Variants in RALYL observed in about 807,000 individuals in gnomAD.
The protein encoded by RALYL is RNA-binding Raly-like protein.
RALYL carries 29 observed loss-of-function variants against 35.1 expected under a neutral mutation model. The observed-to-expected ratio is 0.83, with a 90% CI of 0.61 to 1.13. RALYL has a LOEUF of 1.13. Among genes scored for constraint, RALYL ranks in the 50% most tolerant of loss-of-function variants. RALYL has a pLI of 0.00. For synonymous variants in RALYL, 120 were observed against 127.6 expected (o/e 0.94, Z 0.40); for missense variants, 359 against 360.4 (o/e 1.00, Z 0.03).
intron 1 of RALYL, among the ~76,000 whole-genome samples, chr8:84,424,644 A>C (rs1343522125): frequency 1.3e-5 from 2 of 151,318 alleles, no homozygotes; most frequent in Non-Finnish European, 2.9e-5. Flanking sequence ...TAGAGTTTCC[A>C]GTTTTTCTGT....
intron 1 of RALYL, among the ~76,000 whole-genome samples, chr8:84,293,223 G>A (rs557436565): frequency 6.6e-6 from 1 of 152,102 alleles, no homozygotes; most frequent in South Asian, 2.1e-4. Flanking sequence ...TTCAAAATAG[G>A]AAGAAAAAGA....
chr8:84,448,550 A>T (rs988033905), intron 1 of RALYL, among the ~76,000 whole-genome samples: 2 of 152,034 alleles, frequency 1.3e-5, no homozygotes, highest in African/African-American at 4.8e-5. Flanking sequence ...ACTTGATAGA[A>T]TTGTTGTCAT....
chr8:84,658,964 T>C (rs890545882), intron 2 of RALYL, among the ~76,000 whole-genome samples: 1 of 151,990 alleles, frequency 6.6e-6, no homozygotes, highest in African/African-American at 2.4e-5. Flanking sequence ...AACAAAAAAC[T>C]GAAAGGAGCA....
chr8:84,484,593 A>T (rs1409086698), intron 1 of RALYL, among the ~76,000 whole-genome samples: 1 of 152,094 alleles, frequency 6.6e-6, no homozygotes, highest in Non-Finnish European at 1.5e-5. Context: ...ATGAGTAATG[A>T]ACAGAACACG....
intron 1 of RALYL, among the ~76,000 whole-genome samples, chr8:84,258,169 G>A (rs1831544580): frequency 6.6e-6 from 1 of 152,074 alleles, no homozygotes; most frequent in South Asian, 2.1e-4. Flanking sequence ...GGATTGTGGT[G>A]GTGGGGTTTA....
At chr8:84,489,968 GT>G (rs1221634642) in intron 1 of RALYL, among the ~76,000 whole-genome samples, 1 of 151,906 alleles carries the variant, frequency 6.6e-6, no homozygotes, top group Non-Finnish European at 1.5e-5. Flanking sequence ...AGAAATAAAA[GT>G]TTTTCTAAAG....
chr8:84,254,306 G>T (rs894788481), intron 1 of RALYL, among the ~76,000 whole-genome samples: 1 of 152,078 alleles, frequency 6.6e-6, no homozygotes, highest in Non-Finnish European at 1.5e-5. Flanking sequence ...AAATGTACTT[G>T]TTCAAATTGT....
chr8:84,686,754 A>G (rs1044935572), intron 2 of RALYL, among the ~76,000 whole-genome samples: 9 of 152,024 alleles, frequency 5.9e-5, no homozygotes, highest in Admixed American at 2.0e-4. Context: ...TTTCATCATC[A>G]TAAGTGTTGT....
At chr8:84,280,226 C>T (rs1326144502) in intron 1 of RALYL, among the ~76,000 whole-genome samples, 3 of 152,032 alleles carry the variant, frequency 2.0e-5, no homozygotes, top group Admixed American at 1.3e-4. Context: ...TTCAATTTGC[C>T]CTTGAAAGCT....
At chr8:84,579,807 A>C (rs1195746851) in intron 2 of RALYL, among the ~76,000 whole-genome samples, 1 of 152,234 alleles carries the variant, frequency 6.6e-6, no homozygotes, top group Non-Finnish European at 1.5e-5. Context: ...GTATTTTCCA[A>C]GATAAAATAA....
intron 1 of RALYL, among the ~76,000 whole-genome samples, chr8:84,371,761 C>A (rs1331046111): frequency 6.6e-6 from 1 of 151,918 alleles, no homozygotes; most frequent in Non-Finnish European, 1.5e-5. Context: ...AAGATAAATC[C>A]TTTGAAGATA....
intron 1 of RALYL, among the ~76,000 whole-genome samples, chr8:84,521,834 A>AT (rs1251642464): frequency 6.6e-6 from 1 of 152,148 alleles, no homozygotes; most frequent in African/African-American, 2.4e-5. Context: ...CTACAATTAT[A>AT]TATTTATTTT....
intron 2 of RALYL, among the ~76,000 whole-genome samples, chr8:84,605,748 G>C (rs1377355643): frequency 6.6e-6 from 1 of 151,972 alleles, no homozygotes; most frequent in East Asian, 1.9e-4. Context: ...TATTGTGTTG[G>C]CCCAACCGGT....
At chr8:84,379,738 CAA>C (rs1857580938) in intron 1 of RALYL, among the ~76,000 whole-genome samples, 1 of 150,622 alleles carries the variant, frequency 6.6e-6, no homozygotes, top group Non-Finnish European at 1.5e-5. Context: ...GAAGTGCAAA[CAA>C]GAGAATAATC....
rs181592542 is a variant in RALYL at position 84,615,531 on chromosome 8, T to C, written c.256+85954T>C. ...TTAAACAGTGTACTACAAATATAAG[T>C]CAATACGTTCTAAGAGAGCCTGACT... On this transcript the variant is annotated intron_variant, in intron 2 of 8. Coordinates refer to ENST00000521268, the MANE Select transcript of RALYL (RefSeq NM_173848.7). Among the ~76,000 whole-genome samples, 81 of 145,978 alleles carry C rather than the reference T, an allele frequency of 5.5e-4. 2 individuals are homozygous for C. Among genetic ancestry groups the C allele is most frequent in the Non-Finnish European group, 7.2e-4 (48 of 66,358 alleles).
intron 1 of RALYL, among the ~76,000 whole-genome samples, chr8:84,325,701 A>T (rs34319613): frequency 0.047 from 7,223 of 152,262 alleles, 269 homozygotes; most frequent in African/African-American, 0.083. Flanking sequence ...CTGCCCAGTT[A>T]GTATCTGAGA....
At chr8:84,394,191 C>T (rs572590771) in intron 1 of RALYL, among the ~76,000 whole-genome samples, 1 of 152,048 alleles carries the variant, frequency 6.6e-6, no homozygotes, top group Non-Finnish European at 1.5e-5. Flanking sequence ...TGCATTATAA[C>T]ATAATGAATC....
intron 1 of RALYL, among the ~76,000 whole-genome samples, chr8:84,485,536 A>G (rs954375872): frequency 6.6e-6 from 1 of 152,104 alleles, no homozygotes; most frequent in Non-Finnish European, 1.5e-5. Flanking sequence ...AACTGAGATC[A>G]TGCCACTATA....
At chr8:84,842,910 T>G (rs1321204823) in intron 4 of RALYL, among the ~76,000 whole-genome samples, 1 of 152,132 alleles carries the variant, frequency 6.6e-6, no homozygotes, top group African/African-American at 2.4e-5. Flanking sequence ...TTTGACAAAA[T>G]TCAACAACCC....
Sources: gnomAD v4.1 joint callset for allele counts (sites outside exome capture counted in the v4.1 genomes callset) on GRCh38, gnomAD v4.1.1 for gene constraint, MANE v1.5 for transcripts, NCBI Gene and HGNC (gene_info 2026-07-23, HGNC 2026-07-21) for gene names.